Variants in PCDH19 observed in about 807,000 individuals in gnomAD.
PCDH19 encodes the protein protocadherin 19.
Under a neutral mutation model 46.2 loss-of-function variants are expected in PCDH19, and 6 were observed. The observed-to-expected ratio is 0.13, with a 90% CI of 0.07 to 0.26. PCDH19 has a LOEUF of 0.26. PCDH19 is among the 10% of genes least tolerant of loss of function. PCDH19 has a pLI of 1.00. For missense variants in PCDH19, 740 were observed against 972.3 expected, an observed-to-expected ratio of 0.76 and a Z score of 3.18; for synonymous variants, 481 against 415.7, an observed-to-expected ratio of 1.16 and a Z score of -1.91.
intron 5 of PCDH19, among the ~76,000 whole-genome samples, chrX:100,323,432 T>G (rs1925584543): frequency 8.9e-6 from 1 of 111,920 alleles, no homozygotes; most frequent in South Asian, 3.7e-4. Flanking sequence ...AGCAGAACAA[T>G]GCCCTGAAGT....
At chrX:100,385,399 C>T (rs1252364796) in intron 3 of PCDH19, among the ~76,000 whole-genome samples, 1 of 111,012 alleles carries the variant, frequency 9.0e-6, no homozygotes. Flanking sequence ...TTGTAGAGAA[C>T]TTATTACAGG....
intron 5 of PCDH19, among the ~76,000 whole-genome samples, chrX:100,300,064 A>C (rs1393943272): frequency 8.9e-6 from 1 of 112,421 alleles, no homozygotes; most frequent in Non-Finnish European, 1.9e-5. Context: ...TAGCCACTTT[A>C]TATATGAAAT....
At chrX:100,322,865 A>ATATATATATATATATATATATTTTTT in intron 5 of PCDH19, among the ~76,000 whole-genome samples, 5 of 54,400 alleles carry the variant, frequency 9.2e-5, no homozygotes, top group African/African-American at 1.7e-4. Context: ...ATATATATAT[A>ATATATATATATATATATATATTTTTT]TTTTTGCAGC....
chrX:100,315,559 G>A (rs1261491858), intron 5 of PCDH19, among the ~76,000 whole-genome samples: 4 of 112,153 alleles, frequency 3.6e-5, no homozygotes, highest in African/African-American at 1.3e-4. Flanking sequence ...CCTGACTAAT[G>A]GGAACCACAG....
chrX:100,322,865 A>ATATATATATATATATT, intron 5 of PCDH19, among the ~76,000 whole-genome samples: 2 of 54,416 alleles, frequency 3.7e-5, no homozygotes, highest in Admixed American at 2.1e-4. Flanking sequence ...ATATATATAT[A>ATATATATATATATATT]TTTTTGCAGC....
chrX:100,348,363 TAACACAGTTGGTCCCC>T (rs71987991), intron 4 of PCDH19, among the ~76,000 whole-genome samples: 42,890 of 110,003 alleles, frequency 0.39, 6,545 homozygotes, highest in East Asian at 0.91. Context: ...ATTTTACATT[TAACACAGTTGGTCCCC>T]AGAACAGCAT....
chrX:100,322,748 T>C (rs1217641460), intron 5 of PCDH19, among the ~76,000 whole-genome samples: 1 of 103,992 alleles, frequency 9.6e-6, no homozygotes, highest in African/African-American at 3.6e-5. Flanking sequence ...TATTTCCATT[T>C]GTTTGCGTCT....
rs186438797 is a variant in PCDH19, at chrX:100,335,875, C to T, written c.2848+6028G>A. Among the ~76,000 whole-genome samples the T allele has an allele frequency of 3.6e-3, 397 of 111,508 alleles. 2 individuals carry two copies. The highest frequency in any genetic ancestry group is 5.6e-3 in the South Asian group (15 of 2,658). On this transcript the variant is annotated intron_variant, in intron 5 of 5. Coordinates refer to ENST00000373034, the MANE Select transcript of PCDH19 (RefSeq NM_001184880.2). ...CAGCTGGAAATCACATATATAGAAA[C>T]GCTGTATACACATTCCTGGGTTCAA... is the stretch of plus-strand genomic sequence containing the variant.
At chrX:100,393,656 C>T (rs1349685411) in intron 3 of PCDH19, among the ~76,000 whole-genome samples, 1 of 111,338 alleles carries the variant, frequency 9.0e-6, no homozygotes, top group African/African-American at 3.3e-5. Context: ...GCCCTTCATG[C>T]TCTGGAAATC....
chrX:100,366,639 G>A (rs185469086), intron 3 of PCDH19, among the ~76,000 whole-genome samples: 56 of 112,166 alleles, frequency 5.0e-4, no homozygotes, highest in Admixed American at 1.1e-3. Flanking sequence ...TATAAACAAG[G>A]TTACAAGGAA....
At chrX:100,310,045 C>A (rs1300293168) in intron 5 of PCDH19, among the ~76,000 whole-genome samples, 1 of 112,026 alleles carries the variant, frequency 8.9e-6, no homozygotes, top group African/African-American at 3.2e-5. Context: ...ACTCCCAGTG[C>A]AACATGAAAA....
intron 5 of PCDH19, among the ~76,000 whole-genome samples, chrX:100,331,762 C>A (rs1003037953): frequency 9.0e-5 from 10 of 111,692 alleles, no homozygotes; most frequent in Admixed American, 1.9e-4. Context: ...CTCTCTCTCT[C>A]CTGTCACTTT....
Position 100,410,049 on chromosome X carries a change from T to A in PCDH19, c.-1452A>T, listed in dbSNP as rs1928552826. 3.4e-6 allele frequency: 1 copy of A among 292,693 alleles called. No individual in the cohort carries two copies. The allele number at this position is 292,693 out of a possible 1,213,427, so 24.1% of individuals were successfully genotyped here. On this transcript the variant is annotated 5_prime_UTR_variant, in exon 1 of 6. Coordinates refer to ENST00000373034, the MANE Select transcript of PCDH19 (RefSeq NM_001184880.2). ...CAAGCAGGAGGCAATGGGTTTGGGG[T>A]AGGAGGTTTAGGATTTCGGATGAAA...
chrX:100,322,882 A>G, intron 5 of PCDH19, among the ~76,000 whole-genome samples: 1 of 52,843 alleles, frequency 1.9e-5, no homozygotes, highest in African/African-American at 7.9e-5. Context: ...CAGCTATTGT[A>G]AAAGGGGTTG....
Position 100,408,624 on chromosome X carries a change from G to C in PCDH19, c.-27C>G. ...GCTGCACGGGGCTCTGCCTGGCCTC[G>C]CCTCTCCACACCCCTCCGAGACCGA... On this transcript the variant is annotated 5_prime_UTR_variant, in exon 1 of 6. Transcript: ENST00000373034. 1 of 1,090,979 alleles carries C rather than the reference G, an allele frequency of 9.2e-7. No homozygotes were observed. The highest frequency in any genetic ancestry group is 1.2e-6 in the Non-Finnish European group (1 of 814,183). The allele number at this position is 1,090,979 out of a possible 1,213,427, so 89.9% of individuals were successfully genotyped here. A position where few individuals can be genotyped will look rare whatever the true frequency, so the allele number is the denominator to read the frequency against.
At chrX:100,360,705 G>A (rs1278603236) in intron 3 of PCDH19, among the ~76,000 whole-genome samples, 1 of 111,898 alleles carries the variant, frequency 8.9e-6, no homozygotes, top group Middle Eastern at 4.2e-3. Flanking sequence ...AGTAAATAAA[G>A]GGCATTTGGC....
chrX:100,408,401 T>G lies in PCDH19; in HGVS notation c.197A>C (p.Asn66Thr). The G allele has an allele frequency of 1.7e-6, 2 of 1,207,950 alleles. No homozygotes were observed. Among genetic ancestry groups the G allele is most frequent in the Non-Finnish European group, 2.2e-6 (2 of 894,547 alleles). ...RQASAFRVVS[N>T]SAPHLVDINP... ...GATGTCCACTAGGTGTGGAGCCGAG[T>G]TGGACACCACGCGAAAGGCTGAAGC... Residue 66 changes from asparagine to threonine, a missense_variant, in exon 1 of 6, where the codon AAC (asparagine) becomes ACC (threonine). By Grantham distance (65) the Asn-to-Thr change is moderately conservative. Coordinates refer to ENST00000373034, the MANE Select transcript of PCDH19 (RefSeq NM_001184880.2).
At chrX:100,367,958 T>G (rs745780309) in intron 3 of PCDH19, among the ~76,000 whole-genome samples, 3 of 110,840 alleles carry the variant, frequency 2.7e-5, no homozygotes, top group South Asian at 3.9e-4. Context: ...GATTTTGGAT[T>G]TTGCAAGTTA....
intron 5 of PCDH19, among the ~76,000 whole-genome samples, chrX:100,337,905 G>T (rs779443503): frequency 1.8e-5 from 2 of 111,571 alleles, no homozygotes; most frequent in South Asian, 7.6e-4. Context: ...GCATCACATT[G>T]TACCCCACAA....
Sources: allele counts gnomAD v4.1 joint callset (sites outside exome capture counted in the v4.1 genomes callset), GRCh38; gene constraint gnomAD v4.1.1; transcripts MANE v1.5; gene names NCBI Gene and HGNC (gene_info 2026-07-23, HGNC 2026-07-21).